Variants in PSMD14 observed in about 807,000 individuals in gnomAD.
The protein encoded by PSMD14 is proteasome 26S subunit, non-ATPase 14, also known as ubiquitin C-terminal hydrolase PSMD14.
PSMD14 carries 7 observed loss-of-function variants against 41.2 expected under a neutral mutation model. The observed-to-expected ratio is 0.17, with a 90% CI of 0.10 to 0.32. The LOEUF (loss-of-function observed/expected upper bound fraction) is 0.32, where lower values mean the gene tolerates loss of function less well. PSMD14 is among the 10% of genes least tolerant of loss of function. The pLI, the probability that PSMD14 is intolerant of heterozygous loss-of-function variation, is 1.00. For synonymous variants in PSMD14, 114 were observed against 122.3 expected, an observed-to-expected ratio of 0.93 and a Z score of 0.45; for missense variants, 139 against 375.6, an observed-to-expected ratio of 0.37 and a Z score of 5.21.
In PSMD14 at chr2:161,357,011, G is replaced by C. The variant is rs941895145; in HGVS notation, c.49-10467G>C. Among the ~76,000 whole-genome samples, 15 of 144,276 alleles carry C rather than the reference G, an allele frequency of 1.0e-4. 1 individual carries two copies. The highest frequency in any genetic ancestry group is 6.9e-5 in the Admixed American group (1 of 14,490). The allele number at this position is 144,276 out of a possible 152,430, so 94.7% of individuals were successfully genotyped here. Reference sequence around the variant, plus strand: ...TATAACTAATAGTGTTAACAAATTTGTTAAAAGGCCTGAGTAGGTAACACT... The same window carrying C: ...TATAACTAATAGTGTTAACAAATTTCTTAAAAGGCCTGAGTAGGTAACACT... On this transcript the variant is annotated intron_variant, in intron 3 of 11. Transcript: ENST00000409682.
chr2:161,401,684 A>T (rs16845830), intron 10 of PSMD14, among the ~76,000 whole-genome samples: 1 of 152,118 alleles, frequency 6.6e-6, no homozygotes, highest in Non-Finnish European at 1.5e-5. Context: ...ATTCATCTCT[A>T]TTTCATGTAA....
chr2:161,356,363 C>T (rs1452703636), intron 3 of PSMD14, among the ~76,000 whole-genome samples: 1 of 152,104 alleles, frequency 6.6e-6, no homozygotes, highest in Non-Finnish European at 1.5e-5. Flanking sequence ...AAGGTTGTTT[C>T]TTACCTTGCT....
At chr2:161,346,090 C>T (rs1311216645) in intron 3 of PSMD14, among the ~76,000 whole-genome samples, 2 of 152,190 alleles carry the variant, frequency 1.3e-5, no homozygotes, top group Middle Eastern at 3.4e-3. Context: ...GCCATGTTGC[C>T]CAGGCAGTTC....
At chr2:161,385,006 G>GT (rs1265107527) in intron 7 of PSMD14, 2 of 152,112 alleles carry the variant, frequency 1.3e-5, no homozygotes, top group African/African-American at 4.8e-5. Context: ...CTTGCTGGCT[G>GT]TAATTTTGTT....
chr2:161,312,966 C>T (rs897924317), intron 1 of PSMD14, among the ~76,000 whole-genome samples: 2 of 152,168 alleles, frequency 1.3e-5, no homozygotes, highest in Non-Finnish European at 2.9e-5. Context: ...GATGGGGTTG[C>T]CAATGACAGT....
At chr2:161,407,224 A>G (rs185662196) in intron 10 of PSMD14, among the ~76,000 whole-genome samples, 1 of 152,248 alleles carries the variant, frequency 6.6e-6, no homozygotes, top group Admixed American at 6.5e-5. Flanking sequence ...ATGTTTTGTC[A>G]ATGTTTCCAT....
intron 7 of PSMD14, chr2:161,383,952 A>C (rs1683601204): frequency 6.6e-6 from 1 of 151,670 alleles, no homozygotes; most frequent in Non-Finnish European, 1.5e-5. Context: ...TATGTCTGAT[A>C]GTACTTGTTT....
intron 5 of PSMD14, 133 bp downstream of exon 5, chr2:161,368,036 AT>A: frequency 9.0e-7 from 1 of 1,105,148 alleles, no homozygotes; most frequent in Non-Finnish European, 1.2e-6. Flanking sequence ...TTTGATAGAA[AT>A]TTTTAGATTG....
intron 2 of PSMD14, among the ~76,000 whole-genome samples, chr2:161,318,035 A>T (rs533294643): frequency 7.2e-5 from 11 of 152,302 alleles, no homozygotes; most frequent in African/African-American, 2.6e-4. Flanking sequence ...TCAAGCTTGT[A>T]AGAGTATCTT....
chr2:161,313,358 ATTT>A (rs1689111238), intron 1 of PSMD14, among the ~76,000 whole-genome samples: 2 of 152,086 alleles, frequency 1.3e-5, no homozygotes, highest in African/African-American at 4.8e-5. Flanking sequence ...TAATTAATTT[ATTT>A]ATTTTTGAGA....
At chr2:161,359,447 T>C (rs929488777) in intron 3 of PSMD14, among the ~76,000 whole-genome samples, 3 of 152,242 alleles carry the variant, frequency 2.0e-5, no homozygotes, top group African/African-American at 7.2e-5. Context: ...ATGCTTTGTG[T>C]AACTTAGATT....
rs1384856728 is a variant in PSMD14, at chr2:161,394,987, T to C, written c.646-91T>C. On this transcript the variant is annotated intron_variant, in intron 9 of 11. Coordinates refer to ENST00000409682, the MANE Select transcript of PSMD14 (RefSeq NM_005805.6). ...TAAAGTTAAATCCATTAAGTCGAAA[T>C]GTTTTTTTTTTTTTGAAGTTTTTTT... 3.8e-6 allele frequency: 4 copies of C among 1,059,322 alleles called. No individual in the cohort carries two copies. The East Asian group carries it at 8.2e-5, about 22-fold the overall frequency. The allele number at this position is 1,059,322 out of a possible 1,614,324, so 65.6% of individuals were successfully genotyped here.
At chr2:161,341,030 C>T (rs1446489734) in intron 3 of PSMD14, 6 of 1,606,766 alleles carry the variant, frequency 3.7e-6, no homozygotes, top group East Asian at 4.5e-5. Context: ...CTGGCGCCGC[C>T]GCGGGATCCC....
intron 10 of PSMD14, among the ~76,000 whole-genome samples, chr2:161,401,621 C>T (rs1309182025): frequency 6.6e-6 from 1 of 152,198 alleles, no homozygotes; most frequent in African/African-American, 2.4e-5. Flanking sequence ...GTTTCTCTTA[C>T]ATACATATAT....
At position 161,316,867 on chromosome 2, in the gene PSMD14, T is replaced by A. The variant is rs560461656; in HGVS notation, c.-5+298T>A. ...TGACCTGCCAGATTTTCTTTCTCTC[T>A]GCTTCTTGCATCACTCATATATATT... is the stretch of plus-strand genomic sequence containing the variant. On this transcript the variant is annotated intron_variant, in intron 2 of 11. Coordinates refer to ENST00000409682, the MANE Select transcript of PSMD14 (RefSeq NM_005805.6). Among the ~76,000 whole-genome samples, 201 of 152,356 alleles carry A rather than the reference T, an allele frequency of 1.3e-3. 1 individual carries two copies. The highest frequency in any genetic ancestry group is 4.7e-3 in the African/African-American group (197 of 41,598).
chr2:161,370,184 A>G lies in PSMD14; in HGVS notation c.311+7A>G. ...TGTTGAAGCAGACAGGAAGGTAAGC[A>G]TTTTAAATGATCAGTTAAAGAAATA... is the stretch of plus-strand genomic sequence containing the variant. On this transcript the variant is annotated splice_region_variant and intron_variant, in intron 6 of 11. Transcript: ENST00000409682. The G allele has an allele frequency of 1.3e-6, 2 of 1,542,220 alleles. No homozygotes were observed. Among genetic ancestry groups the G allele is most frequent in the African/African-American group, 1.4e-5 (1 of 72,780 alleles).
At chr2:161,326,796 C>T (rs1037280923) in intron 3 of PSMD14, among the ~76,000 whole-genome samples, 2 of 152,100 alleles carry the variant, frequency 1.3e-5, no homozygotes, top group African/African-American at 2.4e-5. Context: ...ATAGTATTTG[C>T]GCATAACCTA....
At chr2:161,374,322 T>A (rs1332029963) in intron 7 of PSMD14, among the ~76,000 whole-genome samples, 7 of 152,024 alleles carry the variant, frequency 4.6e-5, no homozygotes, top group African/African-American at 1.4e-4. Context: ...ATTGATTTTT[T>A]AAAATGTGTT....
At chr2:161,390,586 C>T (rs1042204212) in intron 8 of PSMD14, among the ~76,000 whole-genome samples, 3 of 152,096 alleles carry the variant, frequency 2.0e-5, no homozygotes, top group African/African-American at 7.2e-5. Context: ...AGAGCATGAG[C>T]TAGACAGACC....
Sources: gnomAD v4.1 joint callset for allele counts (sites outside exome capture counted in the v4.1 genomes callset) on GRCh38, gnomAD v4.1.1 for gene constraint, MANE v1.5 for transcripts, NCBI Gene and HGNC (gene_info 2026-07-23, HGNC 2026-07-21) for gene names.